SDK1: variants seen among roughly 807,000 people sequenced by gnomAD.
SDK1 encodes the protein protein sidekick-1.
In SDK1, 157 loss-of-function variants were observed where a neutral mutation model predicts 245.5. That is an observed-to-expected ratio of 0.64 (90% CI 0.56 to 0.73). The LOEUF (loss-of-function observed/expected upper bound fraction) is 0.73. SDK1 is among the 30% of genes least tolerant of loss of function. The pLI, the probability that SDK1 is intolerant of heterozygous loss-of-function variation, is 0.00. For synonymous variants in SDK1, 1,647 were observed against 1,278.5 expected, an observed-to-expected ratio of 1.29 and a Z score of -6.15; for missense variants, 3,583 against 3,002.3, an observed-to-expected ratio of 1.19 and a Z score of -4.52.
intron 1 of SDK1, among the ~76,000 whole-genome samples, chr7:3,304,341 G>C (rs1217331980): frequency 1.3e-5 from 2 of 152,200 alleles, no homozygotes; most frequent in Non-Finnish European, 2.9e-5. Flanking sequence ...ATCCACCAAG[G>C]AGCCAGCTGT....
intron 1 of SDK1, among the ~76,000 whole-genome samples, chr7:3,583,525 G>C (rs1489904184): frequency 6.6e-6 from 1 of 152,194 alleles, no homozygotes; most frequent in Non-Finnish European, 1.5e-5. Flanking sequence ...GGTTGCATCT[G>C]TCTAGTTCAT....
chr7:3,763,022 T>G (rs1351098313), intron 4 of SDK1, among the ~76,000 whole-genome samples: 1 of 151,924 alleles, frequency 6.6e-6, no homozygotes, highest in Non-Finnish European at 1.5e-5. Flanking sequence ...GATAGGAGAG[T>G]AATTTTCTGG....
intron 5 of SDK1, among the ~76,000 whole-genome samples, chr7:3,884,215 G>C (rs940793519): frequency 2.0e-5 from 3 of 152,022 alleles, no homozygotes; most frequent in Non-Finnish European, 4.4e-5. Context: ...GAAAGCATGG[G>C]GATTACAGGC....
At chr7:3,881,435 A>T (rs914142733) in intron 5 of SDK1, among the ~76,000 whole-genome samples, 1 of 152,192 alleles carries the variant, frequency 6.6e-6, no homozygotes, top group African/African-American at 2.4e-5. Context: ...ACAAGATTTC[A>T]TTCCTTTTTG....
chr7:4,115,145 G>T (rs539094062), intron 25 of SDK1, among the ~76,000 whole-genome samples: 1 of 152,174 alleles, frequency 6.6e-6, no homozygotes, highest in African/African-American at 2.4e-5. Flanking sequence ...GCTCATGAAG[G>T]ACTCACTGTC....
intron 1 of SDK1, among the ~76,000 whole-genome samples, chr7:3,455,653 A>C (rs61264007): frequency 0.38 from 57,532 of 151,850 alleles, 14,090 homozygotes; most frequent in African/African-American, 0.7. Context: ...CTCTTCCTCC[A>C]CCGATACCAC....
In SDK1 at chr7:4,224,940, G is replaced by A. The variant is rs557207634; in HGVS notation, c.5827+3576G>A. On this transcript the variant is annotated intron_variant, in intron 40 of 44. Coordinates refer to ENST00000404826, the MANE Select transcript of SDK1 (RefSeq NM_152744.4). The stretch of plus-strand genomic sequence containing the variant: ...AGAGGTTGCAGTGAGCTGAGATGAC[G>A]CCACTGCACTCTAGCCTGGGCAACA... Among the ~76,000 whole-genome samples, 10 of 124,030 alleles carry A rather than the reference G, an allele frequency of 8.1e-5. No homozygotes were observed. The South Asian group carries it at 1.7e-3, about 21-fold the overall frequency. 81.4% of individuals were successfully genotyped at this position (124,030 alleles called of 152,430 possible).
intron 12 of SDK1, among the ~76,000 whole-genome samples, chr7:3,973,252 T>A (rs1455685812): frequency 6.6e-6 from 1 of 152,240 alleles, no homozygotes. Flanking sequence ...ATCAGCCCTG[T>A]TCTATCTCAG....
At chr7:3,420,561 A>T (rs1197887433) in intron 1 of SDK1, among the ~76,000 whole-genome samples, 2 of 151,992 alleles carry the variant, frequency 1.3e-5, no homozygotes, top group African/African-American at 4.8e-5. Flanking sequence ...TTTTAGGGGG[A>T]GGGTTAAGGA....
intron 28 of SDK1, among the ~76,000 whole-genome samples, chr7:4,141,189 G>A (rs1440372480): frequency 1.3e-5 from 2 of 152,232 alleles, no homozygotes; most frequent in Non-Finnish European, 2.9e-5. Flanking sequence ...ACCACATGAT[G>A]GAAGCCTGTG....
chr7:3,714,868 T>C (rs1453964646), intron 4 of SDK1, among the ~76,000 whole-genome samples: 2 of 152,210 alleles, frequency 1.3e-5, no homozygotes, highest in Non-Finnish European at 2.9e-5. Flanking sequence ...CAAATTACAA[T>C]GAAATTAATA....
chr7:3,372,633 C>T (rs111946402), intron 1 of SDK1, among the ~76,000 whole-genome samples: 52 of 152,256 alleles, frequency 3.4e-4, no homozygotes, highest in African/African-American at 1.2e-3. Context: ...CTTGCTGTAC[C>T]TCTGGGTTGA....
At chr7:3,887,543 A>G (rs1298290698) in intron 5 of SDK1, among the ~76,000 whole-genome samples, 2 of 152,304 alleles carry the variant, frequency 1.3e-5, no homozygotes, top group East Asian at 1.9e-4. Context: ...GTAAATGTCA[A>G]TTGCTCATTA....
At chr7:3,964,958 A>C (rs1328571832) in intron 9 of SDK1, among the ~76,000 whole-genome samples, 5 of 152,226 alleles carry the variant, frequency 3.3e-5, no homozygotes, top group Non-Finnish European at 7.3e-5. Flanking sequence ...ATAATATGGA[A>C]TGCTCAAGTC....
At chr7:4,102,813 G>C (rs1192229758) in intron 22 of SDK1, among the ~76,000 whole-genome samples, 3 of 152,128 alleles carry the variant, frequency 2.0e-5, no homozygotes, top group African/African-American at 7.2e-5. Flanking sequence ...GCGGGCGGCA[G>C]CATCCCCGTG....
At chr7:4,034,792 C>T (rs1330838401) in intron 17 of SDK1, among the ~76,000 whole-genome samples, 2 of 152,052 alleles carry the variant, frequency 1.3e-5, no homozygotes, top group African/African-American at 2.4e-5. Flanking sequence ...ATTAAGAGAC[C>T]GACTGAGTAG....
At chr7:4,033,852 A>C (rs1788022872) in intron 17 of SDK1, among the ~76,000 whole-genome samples, 1 of 152,200 alleles carries the variant, frequency 6.6e-6, no homozygotes, top group Non-Finnish European at 1.5e-5. Flanking sequence ...GCAATGATAC[A>C]ACCCCTAATT....
chr7:3,921,231 A>C (rs2128113065), intron 5 of SDK1, among the ~76,000 whole-genome samples: 1 of 152,368 alleles, frequency 6.6e-6, no homozygotes, highest in Admixed American at 6.5e-5. Context: ...AAATGAGATC[A>C]TACAGCACAC....
chr7:3,969,606 T>A (rs962958883), intron 11 of SDK1, among the ~76,000 whole-genome samples, 182 bp downstream of exon 11: 1 of 152,192 alleles, frequency 6.6e-6, no homozygotes, highest in African/African-American at 2.4e-5. Flanking sequence ...TCTAAAAGAA[T>A]ACCTAGAAAA....
Sources: allele counts gnomAD v4.1 joint callset (sites outside exome capture counted in the v4.1 genomes callset), GRCh38; gene constraint gnomAD v4.1.1; transcripts MANE v1.5; gene names NCBI Gene and HGNC (gene_info 2026-07-23, HGNC 2026-07-21).